ANO4: variants seen among roughly 807,000 people sequenced by gnomAD.
ANO4 encodes anoctamin 4.
In ANO4, 69 loss-of-function variants were observed where a neutral mutation model predicts 141.9. That is an observed-to-expected ratio of 0.49 (90% CI 0.40 to 0.59). The LOEUF is 0.59. Among genes scored for constraint, ANO4 ranks in the 20% least tolerant of loss-of-function variants. The pLI is 0.00. For synonymous variants in ANO4, 350 were observed against 394.3 expected, an observed-to-expected ratio of 0.89 and a Z score of 1.33; for missense variants, 894 against 1,162.2, an observed-to-expected ratio of 0.77 and a Z score of 3.36.
chr12:101,011,361 G>A (rs2046086975), intron 8 of ANO4, among the ~76,000 whole-genome samples: 1 of 147,834 alleles, frequency 6.8e-6, no homozygotes, highest in Non-Finnish European at 1.5e-5. Flanking sequence ...CTGCTGTCTG[G>A]CTGAAACTTA....
intron 22 of ANO4, among the ~76,000 whole-genome samples, chr12:101,099,933 C>T (rs1431206771): frequency 3.3e-5 from 5 of 152,288 alleles, no homozygotes; most frequent in African/African-American, 7.2e-5. Context: ...TCTCTTAGCA[C>T]GTATCTAAGA....
chr12:101,037,624 A>G (rs2047250701), intron 10 of ANO4, among the ~76,000 whole-genome samples: 1 of 152,234 alleles, frequency 6.6e-6, no homozygotes, highest in South Asian at 2.1e-4. Flanking sequence ...CCTAAGATGT[A>G]TAAATACTGT....
chr12:100,769,081 C>A (rs1466483475), intron 3 of ANO4, among the ~76,000 whole-genome samples: 1 of 152,124 alleles, frequency 6.6e-6, no homozygotes, highest in Non-Finnish European at 1.5e-5. Flanking sequence ...TGACAAAAAA[C>A]CTATTTTAAA....
chr12:101,080,209 C>T (rs879498889), intron 15 of ANO4, among the ~76,000 whole-genome samples: 3 of 152,112 alleles, frequency 2.0e-5, no homozygotes, highest in African/African-American at 2.4e-5. Context: ...GAAATATGAA[C>T]GATGTGAATT....
chr12:100,834,212 A>C (rs923521777), intron 1 of ANO4, among the ~76,000 whole-genome samples: 5 of 152,126 alleles, frequency 3.3e-5, no homozygotes, highest in African/African-American at 1.2e-4. Flanking sequence ...TTAGGGTGCA[A>C]ATAAGAAGAG....
At chr12:101,069,046 C>G in intron 14 of ANO4, 3 of 837,914 alleles carry the variant, frequency 3.6e-6, no homozygotes. Context: ...CTAAGGTACA[C>G]TAGGAGGAGT....
At chr12:100,720,622 G>T (rs1442968627) in intron 1 of ANO4, among the ~76,000 whole-genome samples, 1 of 151,824 alleles carries the variant, frequency 6.6e-6, no homozygotes, top group Non-Finnish European at 1.5e-5. Flanking sequence ...TGTTTGCCTG[G>T]GTTCTCTCAA....
rs555850114 is a variant in ANO4, at chr12:101,061,674, G to A, written c.1312+13273G>A. The stretch of plus-strand genomic sequence containing the variant: ...ATCCTTTCTTCTGCTTGATCGACTC[G>A]ACTATTGATACTTGTATATGCTTCA... On this transcript the variant is annotated intron_variant, in intron 14 of 27. Coordinates refer to ENST00000392977, the MANE Select transcript of ANO4 (RefSeq NM_001286615.2). Among the ~76,000 whole-genome samples the A allele has an allele frequency of 5.3e-5, 8 of 151,328 alleles. No individual in the cohort carries two copies. The East Asian group carries it at 7.9e-4, about 15-fold the overall frequency.
chr12:101,068,658 T>G (rs879102863), intron 14 of ANO4: 2 of 1,310,570 alleles, frequency 1.5e-6, no homozygotes, highest in East Asian at 2.3e-5. Context: ...AGCAAGAGAA[T>G]GACTTCCTTA....
chr12:100,953,746 A>C (rs2043068889), intron 5 of ANO4, among the ~76,000 whole-genome samples: 1 of 152,200 alleles, frequency 6.6e-6, no homozygotes, highest in Non-Finnish European at 1.5e-5. Flanking sequence ...CACAAAGAGA[A>C]ATTGGAATTT....
At chr12:101,038,364 G>A (rs1209924511) in intron 10 of ANO4, 1 of 151,994 alleles carries the variant, frequency 6.6e-6, no homozygotes, top group Non-Finnish European at 1.5e-5. Context: ...TCATGGTATG[G>A]GCTGTGTCTG....
chr12:101,026,965 CAG>C (rs2046764736), intron 9 of ANO4, among the ~76,000 whole-genome samples: 2 of 152,152 alleles, frequency 1.3e-5, no homozygotes, highest in Admixed American at 6.5e-5. Context: ...TGACTAGAAA[CAG>C]AAGTGATCAG....
At chr12:101,005,473 A>C (rs1007035519) in intron 8 of ANO4, among the ~76,000 whole-genome samples, 3 of 151,386 alleles carry the variant, frequency 2.0e-5, no homozygotes, top group African/African-American at 7.3e-5. Flanking sequence ...AAGATGAATG[A>C]ATCATTTTCT....
chr12:100,949,215 G>C (rs1406087122), intron 5 of ANO4, among the ~76,000 whole-genome samples: 2 of 152,200 alleles, frequency 1.3e-5, no homozygotes, highest in East Asian at 1.9e-4. Flanking sequence ...AGAGAACCCA[G>C]CTCAGCTGTG....
At chr12:100,884,758 G>A (rs1178993206) in intron 1 of ANO4, among the ~76,000 whole-genome samples, 1 of 152,080 alleles carries the variant, frequency 6.6e-6, no homozygotes, top group South Asian at 2.1e-4. Flanking sequence ...GCAGTGGTGC[G>A]ATCTCAGCTC....
Position 101,116,784 on chromosome 12 carries a change from T to A in ANO4, c.2556T>A (p.Pro852=). ...ATGGCAGTGAGTTCTCGGGGACTCC[T>A]CTTAAGTACTGCAGGTGAGTGTGGC... ...ESDGSEFSGT[P]LKYCRYRDYR... The change falls in exon 25 of 28, where the codon CCT becomes CCA. Residue 852 remains proline (P), a synonymous_variant. Coordinates refer to ENST00000392977, the MANE Select transcript of ANO4 (RefSeq NM_001286615.2). The A allele has an allele frequency of 3.7e-6, 6 of 1,614,128 alleles. No homozygotes were observed. Among genetic ancestry groups the A allele is most frequent in the Non-Finnish European group, 5.1e-6 (6 of 1,179,994 alleles).
At position 101,110,553 on chromosome 12, in the gene ANO4, AT is replaced by A; in HGVS notation, c.2300del (p.Ile767LysfsTer23). ...ACCTTTAGCTTCAAGGGCCAAAGAC[AT>A]AGGTAAGTTGGATTTGGGTATGTTT... The part of the protein sequence containing the change: ...RRPLASRAKD[I>X]GIWYGILEGI... On this transcript the variant is annotated frameshift_variant and splice_region_variant, in exon 23 of 28. Transcript: ENST00000392977. LOFTEE classifies it high-confidence loss of function. 1 of 1,577,096 alleles carries A rather than the reference AT, an allele frequency of 6.3e-7. No homozygotes were observed. Among genetic ancestry groups the A allele is most frequent in the African/African-American group, 1.4e-5 (1 of 73,690 alleles).
At chr12:100,777,919 A>ATTTTTTTTTTTTTTT (rs373496240) in intron 3 of ANO4, among the ~76,000 whole-genome samples, 4 of 134,918 alleles carry the variant, frequency 3.0e-5, no homozygotes, top group African/African-American at 1.1e-4. Flanking sequence ...AATGCTTACA[A>ATTTTTTTTTTTTTTT]TTTTTTTTTT....
chr12:100,804,512 C>T (rs774265161), intron 1 of ANO4, among the ~76,000 whole-genome samples: 5 of 152,162 alleles, frequency 3.3e-5, no homozygotes, highest in Non-Finnish European at 5.9e-5. Flanking sequence ...TTCTAGGTCT[C>T]TGAGGAATTG....
Sources: allele counts gnomAD v4.1 joint callset (sites outside exome capture counted in the v4.1 genomes callset), GRCh38; gene constraint gnomAD v4.1.1; transcripts MANE v1.5; gene names NCBI Gene and HGNC (gene_info 2026-07-23, HGNC 2026-07-21).